Variants in ZNF134 observed in about 807,000 individuals in gnomAD.
The protein encoded by ZNF134 is zinc finger protein 134.
ZNF134 carries 5 observed loss-of-function variants against 2.5 expected under a neutral mutation model. The ratio of observed to expected loss-of-function variants is 2.03; its 90% CI spans 1.06 to 4.27. ZNF134 has a LOEUF of 4.27. Ranked by LOEUF, ZNF134 falls within the 30% of genes most tolerant of loss-of-function variation. The pLI, the probability that ZNF134 is intolerant of heterozygous loss-of-function variation, is 0.00. For synonymous variants in ZNF134, 176 were observed against 176.2 expected, an observed-to-expected ratio of 1.00 and a Z score of 0.01; for missense variants, 540 against 517.5, an observed-to-expected ratio of 1.04 and a Z score of -0.42.
At position 57,620,711 on chromosome 19, in the gene ZNF134, C is replaced by G; in HGVS notation, c.592C>G (p.His198Asp). The change falls in exon 3 of 3, where the codon CAT becomes GAT. Residue 198 changes from histidine to aspartate, a missense_variant. Coordinates refer to ENST00000396161, the MANE Select transcript of ZNF134 (RefSeq NM_003435.5). ...CACACTTGTCCAGCACCAGAGAATT[C>G]ATAGTGGAGAGAAGCCTTATGAGTG... Reference protein sequence around the residue: ...KDTLVQHQRIHSGEKPYECSE... With the variant: ...KDTLVQHQRIDSGEKPYECSE... 6.2e-7 allele frequency: 1 copy of G among 1,611,174 alleles called. No individual in the cohort carries two copies.
At position 57,622,264 on chromosome 19, in the gene ZNF134, A is replaced by G. The variant is rs981244965; in HGVS notation, c.*861A>G. The G allele has an allele frequency of 1.3e-5, 2 of 152,460 alleles. No homozygotes were observed. Among genetic ancestry groups the G allele is most frequent in the Non-Finnish European group, 2.9e-5 (2 of 68,304 alleles). The allele number at this position is 152,460 out of a possible 1,614,324, so 9.4% of individuals were successfully genotyped here. ...TTGCAGCATGTGTCCCATGTTCCCC[A>G]ACACTGTTGAGGGAAAGCTGTTCCT... On this transcript the variant is annotated 3_prime_UTR_variant, in exon 3 of 3. Coordinates refer to ENST00000396161, the MANE Select transcript of ZNF134 (RefSeq NM_003435.5).
intron 1 of ZNF134, among the ~76,000 whole-genome samples, chr19:57,614,741 A>C (rs1981004332): frequency 6.6e-6 from 1 of 152,178 alleles, no homozygotes; most frequent in Admixed American, 6.5e-5. Flanking sequence ...CGAGGGGAGA[A>C]GTTGCTCCTT....
At chr19:57,615,954 A>T (rs1411381857) in intron 1 of ZNF134, among the ~76,000 whole-genome samples, 1 of 152,360 alleles carries the variant, frequency 6.6e-6, no homozygotes, top group East Asian at 1.9e-4. Flanking sequence ...TAAACCTTTG[A>T]AGAGGAATTT....
At position 57,620,387 on chromosome 19, in the gene ZNF134, A is replaced by G. The variant is rs748676792; in HGVS notation, c.268A>G (p.Ser90Gly). ...GGCATGTGGGAGACAATTCTGGTTC[A>G]GTGCAAACCTTCATCAGTACCAGAA... ...CGACGRQFWF[S>G]ANLHQYQKCY... Residue 90 changes from serine (S) to glycine (G), a missense_variant, in exon 3 of 3, where the codon AGT (serine) becomes GGT (glycine). By Grantham distance (56) the Ser-to-Gly change is moderately conservative (BLOSUM62 0). Coordinates refer to ENST00000396161, the MANE Select transcript of ZNF134 (RefSeq NM_003435.5). 81 of 1,614,134 alleles carry G rather than the reference A, an allele frequency of 5.0e-5. No homozygotes were observed. The South Asian group carries it at 8.3e-4, about 17-fold the overall frequency.
At position 57,621,594 on chromosome 19, in the gene ZNF134, A is replaced by C. The variant is rs1446987246; in HGVS notation, c.*191A>C. On this transcript the variant is annotated 3_prime_UTR_variant, in exon 3 of 3. Coordinates refer to ENST00000396161, the MANE Select transcript of ZNF134 (RefSeq NM_003435.5). ...AATCCATGTGGCCGAAACCATCTTA[A>C]CTCTACCAGCTAAGATACCCCAGCA... 1.4e-5 allele frequency: 12 copies of C among 876,640 alleles called. No homozygotes were observed. Among genetic ancestry groups the C allele is most frequent in the Admixed American group, 1.0e-4 (6 of 58,844 alleles). 54.3% of individuals were successfully genotyped at this position (876,640 alleles called of 1,614,324 possible).
In ZNF134 at chr19:57,620,547, C is replaced by G. The variant is rs199921766; in HGVS notation, c.428C>G (p.Ala143Gly). 194 of 1,614,060 alleles carry G rather than the reference C, an allele frequency of 1.2e-4. 1 individual carries two copies. Among genetic ancestry groups the G allele is most frequent in the Non-Finnish European group, 1.6e-4 (184 of 1,180,032 alleles). ...AAGGAGGAGCAGAAAAACTTCCAGG[C>G]TACTTTGGGTGGCTGCCAACAAAAG... ...TCKEEQKNFQ[A>G]TLGGCQQKAI... is the part of the protein sequence containing the mutation. The change falls in exon 3 of 3, where the codon GCT becomes GGT. Residue 143 changes from alanine to glycine, a missense_variant. Ala to Gly is a moderately conservative substitution (Grantham distance 60, BLOSUM62 0). Coordinates refer to ENST00000396161, the MANE Select transcript of ZNF134 (RefSeq NM_003435.5).
chr19:57,621,619 A>G lies in ZNF134; in HGVS notation c.*216A>G. 1.3e-6 allele frequency: 1 copy of G among 788,146 alleles called. No homozygotes were observed. Among genetic ancestry groups the G allele is most frequent in the East Asian group, 2.5e-5 (1 of 39,984 alleles). The allele number at this position is 788,146 out of a possible 1,614,324, so 48.8% of individuals were successfully genotyped here. On this transcript the variant is annotated 3_prime_UTR_variant, in exon 3 of 3. Coordinates refer to ENST00000396161, the MANE Select transcript of ZNF134 (RefSeq NM_003435.5). ...ACTCTACCAGCTAAGATACCCCAGC[A>G]TTGGGGAAGGCAGGGTTTTGTATTG... is the stretch of plus-strand genomic sequence containing the variant.
Position 57,620,843 on chromosome 19 carries a change from A to G in ZNF134, c.724A>G (p.Ser242Gly), listed in dbSNP as rs866812486. 6.2e-7 allele frequency: 1 copy of G among 1,614,266 alleles called. No individual in the cohort carries two copies. Among genetic ancestry groups the G allele is most frequent in the Non-Finnish European group, 8.5e-7 (1 of 1,180,048 alleles). The change falls in exon 3 of 3, where the codon AGT becomes GGT. Residue 242 changes from serine to glycine, a missense_variant. By Grantham distance (56) the Ser-to-Gly change is moderately conservative. Transcript: ENST00000396161. ...ATGCAGCGAATGTGGAAAAACCTTC[A>G]GTCGAAAAGACAACCTTACTCAGCA... ...YECSECGKTF[S>G]RKDNLTQHKR...
chr19:57,617,071 A>T (rs1160942546), intron 1 of ZNF134, among the ~76,000 whole-genome samples: 1 of 152,160 alleles, frequency 6.6e-6, no homozygotes, highest in Non-Finnish European at 1.5e-5. Flanking sequence ...CTAAACTAGG[A>T]GTGTTCAGGG....
In ZNF134 at chr19:57,621,158, A is replaced by G; in HGVS notation, c.1039A>G (p.Ile347Val). The change falls in exon 3 of 3, where the codon ATT becomes GTT. Residue 347 changes from isoleucine to valine, a missense_variant. Transcript: ENST00000396161. ...CACTGAGTCAAAGCCGTTTGAGTGCATTGAATGCGGGAAATTCTTTAGTCG... is the reference window on the plus strand; with the variant it reads ...CACTGAGTCAAAGCCGTTTGAGTGCGTTGAATGCGGGAAATTCTTTAGTCG... Reference protein sequence around the residue: ...IHTESKPFECIECGKFFSRSS... With the variant: ...IHTESKPFECVECGKFFSRSS... The G allele has an allele frequency of 6.2e-7, 1 of 1,614,264 alleles. No homozygotes were observed. The highest frequency in any genetic ancestry group is 8.5e-7 in the Non-Finnish European group (1 of 1,180,046).
chr19:57,617,743 C>T (rs1347189542), intron 1 of ZNF134, among the ~76,000 whole-genome samples: 1 of 152,096 alleles, frequency 6.6e-6, no homozygotes, highest in Non-Finnish European at 1.5e-5. Context: ...GGTGACAGTG[C>T]CATCAGCACA....
chr19:57,616,631 A>G (rs1163003068), intron 1 of ZNF134, among the ~76,000 whole-genome samples: 1 of 152,208 alleles, frequency 6.6e-6, no homozygotes, highest in Non-Finnish European at 1.5e-5. Flanking sequence ...GAGTATCTGA[A>G]GTTAGAGAGG....
chr19:57,621,227 A>C lies in ZNF134; in HGVS notation c.1108A>C (p.Arg370=). The change falls in exon 3 of 3, where the codon AGG becomes CGG. Residue 370 remains arginine (R), a synonymous_variant. Transcript: ENST00000396161. ...ACACCAGAGGGTTCACACTGGTGAA[A>C]GGCCTTTTGTGTGCAGTAAATGTGG... ...IAHQRVHTGE[R]PFVCSKCGKD... is the part of the protein sequence containing the mutation. The C allele has an allele frequency of 1.2e-6, 2 of 1,614,184 alleles. No individual in the cohort carries two copies. The highest frequency in any genetic ancestry group is 1.7e-6 in the Non-Finnish European group (2 of 1,180,042).
At chr19:57,617,983 C>T (rs1250754869) in intron 1 of ZNF134, among the ~76,000 whole-genome samples, 2 of 152,128 alleles carry the variant, frequency 1.3e-5, no homozygotes, top group Non-Finnish European at 2.9e-5. Flanking sequence ...TCCATGGTGA[C>T]CTTTGGTGGG....
rs560152579 is a variant in ZNF134, at chr19:57,622,017, T to C, written c.*614T>C. 2.9e-5 allele frequency: 5 copies of C among 171,754 alleles called. No individual in the cohort carries two copies. The South Asian group carries it at 6.5e-4, about 22-fold the overall frequency. 10.6% of individuals were successfully genotyped at this position (171,754 alleles called of 1,614,324 possible). On this transcript the variant is annotated 3_prime_UTR_variant, in exon 3 of 3. Coordinates refer to ENST00000396161, the MANE Select transcript of ZNF134 (RefSeq NM_003435.5). The stretch of plus-strand genomic sequence containing the variant: ...AGCCTTTGTGCGGTGCCTCCAACTT[T>C]GCCTCAAATGGGACAGTGGGTTGAG...
In ZNF134 at chr19:57,620,452, T is replaced by C. The variant is rs1465151233; in HGVS notation, c.333T>C (p.Ser111=). ...AGCAACCCTTAAGAAGGGATAAAAG[T>C]GAGGCCTCAATTGTGAAGAACTGCA... The part of the protein sequence containing the change: ...SIEQPLRRDK[S]EASIVKNCTV... Residue 111 remains serine (S), a synonymous_variant, in exon 3 of 3, where the codon AGT becomes AGC. Transcript: ENST00000396161. 6.2e-7 allele frequency: 1 copy of C among 1,614,054 alleles called. No homozygotes were observed. Among genetic ancestry groups the C allele is most frequent in the East Asian group, 2.2e-5 (1 of 44,892 alleles).
intron 2 of ZNF134, among the ~76,000 whole-genome samples, chr19:57,619,952 C>T (rs941259568): frequency 2.6e-5 from 4 of 152,192 alleles, no homozygotes; most frequent in African/African-American, 9.7e-5. Context: ...ACCCCATCCT[C>T]GTGTCTTTGT....
rs1981194997 is a variant in ZNF134 at position 57,620,910 on chromosome 19, A to T, written c.791A>T (p.Glu264Val). The T allele has an allele frequency of 6.2e-7, 1 of 1,614,254 alleles. No homozygotes were observed. The highest frequency in any genetic ancestry group is 2.2e-5 in the East Asian group (1 of 44,878). The change falls in exon 3 of 3, where the codon GAA becomes GTA. Residue 264 changes from glutamate to valine, a missense_variant. Physicochemically the swap from Glu to Val is moderately radical, Grantham distance 121. Transcript: ENST00000396161. ...GGAGAAATGCCTTATAAGTGCAATG[A>T]ATGTGGGAAATATTTTAGCCATCAC... ...HTGEMPYKCNECGKYFSHHSN... is the reference protein window; with the variant it reads ...HTGEMPYKCNVCGKYFSHHSN...
rs1981306698 is a variant in ZNF134, at chr19:57,623,989, T to C, written c.*2586T>C. 6.6e-6 allele frequency: 1 copy of C among 152,214 alleles called. No individual in the cohort carries two copies. The highest frequency in any genetic ancestry group is 1.5e-5 in the Non-Finnish European group (1 of 68,038). 9.4% of individuals were successfully genotyped at this position (152,214 alleles called of 1,614,324 possible). On this transcript the variant is annotated 3_prime_UTR_variant, in exon 3 of 3. Transcript: ENST00000396161. ...AAGTGTGAAGTTAAAGGTTGTAATA[T>C]TCTATACATGGGACTGGCTGCGGAA...
Sources: gnomAD v4.1 joint callset for allele counts (sites outside exome capture counted in the v4.1 genomes callset) on GRCh38, gnomAD v4.1.1 for gene constraint, MANE v1.5 for transcripts, NCBI Gene and HGNC (gene_info 2026-07-23, HGNC 2026-07-21) for gene names.